Variants in COPS7B observed in about 807,000 individuals in gnomAD.
COPS7B encodes the protein COP9 signalosome complex subunit 7b.
COPS7B carries 9 observed loss-of-function variants against 33.4 expected under a neutral mutation model. The observed-to-expected ratio is 0.27, with a 90% CI of 0.16 to 0.47. The LOEUF (loss-of-function observed/expected upper bound fraction) is 0.47, where lower values mean the gene tolerates loss of function less well. Among genes scored for constraint, COPS7B ranks in the 20% least tolerant of loss-of-function variants. The pLI, the probability that COPS7B is intolerant of heterozygous loss-of-function variation, is 0.99. For synonymous variants in COPS7B, 119 were observed against 126.3 expected, an observed-to-expected ratio of 0.94 and a Z score of 0.39; for missense variants, 242 against 318.2, an observed-to-expected ratio of 0.76 and a Z score of 1.82.
upstream of COPS7B, chr2:231,786,264 C>A (rs889880439): frequency 3.7e-5 from 7 of 191,242 alleles, no homozygotes; most frequent in Admixed American, 6.5e-5. Flanking sequence ...TAGCCACCCC[C>A]TCCCCGCCTG....
upstream of COPS7B, chr2:231,786,314 A>C (rs2049238934): frequency 1.2e-5 from 5 of 427,604 alleles, no homozygotes; most frequent in Non-Finnish European, 1.2e-5. Context: ...CCTCGCTCCC[A>C]CTTCCCCACC....
At chr2:231,798,254 CT>C (rs532747492) in intron 5 of COPS7B, among the ~76,000 whole-genome samples, 4,865 of 116,704 alleles carry the variant, frequency 0.042, 149 homozygotes, top group African/African-American at 0.12. Context: ...ATTCTACCTT[CT>C]TTTTTTTTTT....
chr2:231,800,250 T>C (rs962863816), intron 6 of COPS7B, among the ~76,000 whole-genome samples: 27 of 152,222 alleles, frequency 1.8e-4, no homozygotes, highest in African/African-American at 6.5e-4. Flanking sequence ...GGCAAGGAAG[T>C]GTTAACTATA....
At chr2:231,784,260 C>G (rs1019403305), upstream of COPS7B, among the ~76,000 whole-genome samples, 11 of 151,384 alleles carry the variant, frequency 7.3e-5, no homozygotes, top group African/African-American at 2.4e-4. Flanking sequence ...GTGGGAGGAT[C>G]ACTTGAGATC....
intron 6 of COPS7B, among the ~76,000 whole-genome samples, chr2:231,803,336 C>G (rs140552266): frequency 8.5e-4 from 129 of 152,106 alleles, no homozygotes; most frequent in African/African-American, 3.0e-3. Flanking sequence ...TGACTGCTTC[C>G]AAGTGTGGTG....
chr2:231,786,272 C>T (rs999311265), upstream of COPS7B: 4 of 208,372 alleles, frequency 1.9e-5, no homozygotes, highest in Non-Finnish European at 3.4e-5. Context: ...CCCTCCCCGC[C>T]TGGTTCCCGG....
chr2:231,806,984 A>G (rs1407597918), intron 6 of COPS7B, among the ~76,000 whole-genome samples: 1 of 152,232 alleles, frequency 6.6e-6, no homozygotes, highest in African/African-American at 2.4e-5. Flanking sequence ...GTTAAGTGAA[A>G]GAAAGCTATA....
chr2:231,797,731 G>A (rs931075152), intron 5 of COPS7B, among the ~76,000 whole-genome samples: 5 of 152,144 alleles, frequency 3.3e-5, no homozygotes, highest in Non-Finnish European at 5.9e-5. Flanking sequence ...GATCTTAAGT[G>A]GAGGGTATGG....
chr2:231,796,136 C>G lies in COPS7B; in HGVS notation c.358C>G (p.Leu120Val). The G allele has an allele frequency of 6.2e-7, 1 of 1,614,096 alleles. No homozygotes were observed. Residue 120 changes from leucine (L) to valine (V), a missense_variant, in exon 5 of 7, where the codon CTG becomes GTG. By Grantham distance (32) the Leu-to-Val change is conservative. Transcript: ENST00000350033. ...CIPYSVLLKDLEMRNLRELED... is the reference protein window; with the variant it reads ...CIPYSVLLKDVEMRNLRELED... ...CCCCTACTCCGTGTTGCTGAAAGACCTGGAGATGCGGAATCTCCGGGAACT... is the reference window on the plus strand; with the variant it reads ...CCCCTACTCCGTGTTGCTGAAAGACGTGGAGATGCGGAATCTCCGGGAACT...
upstream of COPS7B, among the ~76,000 whole-genome samples, chr2:231,783,396 G>A (rs1228186098): frequency 6.6e-6 from 1 of 152,198 alleles, no homozygotes. Flanking sequence ...AGCAATATGA[G>A]AGAGTTCTAG....
At chr2:231,805,787 T>G (rs1482554925) in intron 6 of COPS7B, among the ~76,000 whole-genome samples, 1 of 151,012 alleles carries the variant, frequency 6.6e-6, no homozygotes, top group Non-Finnish European at 1.5e-5. Flanking sequence ...GGACTACAGG[T>G]GCATGCCACC....
intron 5 of COPS7B, among the ~76,000 whole-genome samples, chr2:231,796,588 G>A (rs1475801992): frequency 6.6e-6 from 1 of 152,178 alleles, no homozygotes; most frequent in Non-Finnish European, 1.5e-5. Flanking sequence ...GGGTTAGCAG[G>A]TGGAGCCTAT....
rs181925932 is a variant in COPS7B, at chr2:231,809,196, G to C, written c.*1551G>C. ...GTATGTTTCATGCAGCCCCCTGTCAGCTGCTCTGTGGAAAAGGGGTTCTGT... is the reference window on the plus strand; with the variant it reads ...GTATGTTTCATGCAGCCCCCTGTCACCTGCTCTGTGGAAAAGGGGTTCTGT... On this transcript the variant is annotated 3_prime_UTR_variant, in exon 7 of 7. Transcript: ENST00000350033. 4.6e-5 allele frequency: 7 copies of C among 152,464 alleles called. No homozygotes were observed. Among genetic ancestry groups the C allele is most frequent in the Admixed American group, 1.3e-4 (2 of 15,280 alleles). The allele number at this position is 152,464 out of a possible 1,614,324, so 9.4% of individuals were successfully genotyped here.
At chr2:231,800,401 G>A (rs557002186) in intron 6 of COPS7B, among the ~76,000 whole-genome samples, 3 of 152,316 alleles carry the variant, frequency 2.0e-5, no homozygotes, top group South Asian at 4.1e-4. Flanking sequence ...AGGGCTAACC[G>A]CTTTCTCCTT....
intron 6 of COPS7B, among the ~76,000 whole-genome samples, chr2:231,805,570 C>T (rs1409255915): frequency 2.0e-5 from 3 of 151,250 alleles, no homozygotes; most frequent in Non-Finnish European, 2.9e-5. Context: ...CTTAAGTGAT[C>T]CTCCTGCCTC....
chr2:231,794,942 CAG>C (rs1177693623), intron 4 of COPS7B, among the ~76,000 whole-genome samples: 1 of 143,478 alleles, frequency 7.0e-6, no homozygotes, highest in East Asian at 2.1e-4. Context: ...TTTTTTGAGA[CAG>C]AGTGTTGCTC....
rs1387153903 is a variant in COPS7B, at chr2:231,807,996, G to T, written c.*351G>T. On this transcript the variant is annotated 3_prime_UTR_variant, in exon 7 of 7. Coordinates refer to ENST00000350033, the MANE Select transcript of COPS7B (RefSeq NM_022730.4). ...ATTTTGTCAGGCTGGTTATAAGCCGGAGGCAGCTTTAACCAGCCCCCAGGG... is the reference window on the plus strand; with the variant it reads ...ATTTTGTCAGGCTGGTTATAAGCCGTAGGCAGCTTTAACCAGCCCCCAGGG... 9.8e-6 allele frequency: 2 copies of T among 203,118 alleles called. No individual in the cohort carries two copies. The highest frequency in any genetic ancestry group is 4.7e-5 in the African/African-American group (2 of 42,486). The allele number at this position is 203,118 out of a possible 1,614,324, so 12.6% of individuals were successfully genotyped here.
rs755697590 is a variant in COPS7B, at chr2:231,808,517, C to G, written c.*872C>G. On this transcript the variant is annotated 3_prime_UTR_variant, in exon 7 of 7. Transcript: ENST00000350033. The stretch of plus-strand genomic sequence containing the variant: ...CTGGGTAGGGATGGTGGCATCGATG[C>G]CCCTCTGTCTGCTGAAGGACCTGTT... The G allele has an allele frequency of 6.4e-6, 3 of 471,322 alleles. No individual in the cohort carries two copies. Among genetic ancestry groups the G allele is most frequent in the South Asian group, 4.6e-5 (3 of 64,570 alleles). The allele number at this position is 471,322 out of a possible 1,614,324, so 29.2% of individuals were successfully genotyped here.
intron 2 of COPS7B, chr2:231,789,399 ATATT>A (rs1464700454): frequency 1.3e-5 from 2 of 152,192 alleles, no homozygotes; most frequent in Admixed American, 6.5e-5. Context: ...TTATTTATTT[ATATT>A]TATTCACTTA....
Sources: allele counts gnomAD v4.1 joint callset (sites outside exome capture counted in the v4.1 genomes callset), GRCh38; gene constraint gnomAD v4.1.1; transcripts MANE v1.5; gene names NCBI Gene and HGNC (gene_info 2026-07-23, HGNC 2026-07-21).